KATNIP: variants seen among roughly 807,000 people sequenced by gnomAD.
KATNIP encodes katanin-interacting protein.
A neutral mutation model predicts 174.0 loss-of-function variants in KATNIP; 126 were observed. The observed-to-expected ratio is 0.72, with a 90% CI of 0.63 to 0.84. The LOEUF (loss-of-function observed/expected upper bound fraction) is 0.84. Ranked by LOEUF, KATNIP falls within the 40% of genes least tolerant of loss-of-function variation. KATNIP has a pLI of 0.00. For missense variants in KATNIP, 1,958 were observed against 2,109.7 expected (o/e 0.93, Z 1.41); for synonymous variants, 810 against 835.7 (o/e 0.97, Z 0.53).
chr16:27,633,932 C>T (rs2076564173), intron 5 of KATNIP, among the ~76,000 whole-genome samples: 1 of 152,234 alleles, frequency 6.6e-6, no homozygotes, highest in Non-Finnish European at 1.5e-5. Flanking sequence ...CCTGCCTGAT[C>T]TCAGTGCTGA....
intron 1 of KATNIP, among the ~76,000 whole-genome samples, chr16:27,562,395 C>G (rs950133762): frequency 6.6e-6 from 1 of 152,148 alleles, no homozygotes; most frequent in South Asian, 2.1e-4. Context: ...ATCTAAAACC[C>G]TTAGAACAGG....
Position 27,759,739 on chromosome 16 carries a change from G to A in KATNIP, c.3632-1674G>A, listed in dbSNP as rs559284130. Among the ~76,000 whole-genome samples, 7 of 152,282 alleles carry A rather than the reference G, an allele frequency of 4.6e-5. No individual in the cohort carries two copies. In the East Asian group the frequency reaches 5.8e-4, roughly 13 times the overall value. ...GCTTTACAGGCTCTGCTTGCCTCACGTGGGCTTCTGTCCCAGTGTTCAAAG... is the reference window on the plus strand; with the variant it reads ...GCTTTACAGGCTCTGCTTGCCTCACATGGGCTTCTGTCCCAGTGTTCAAAG... On this transcript the variant is annotated intron_variant, in intron 18 of 27. Coordinates refer to ENST00000261588, the MANE Select transcript of KATNIP (RefSeq NM_015202.5).
intron 16 of KATNIP, 112 bp downstream of exon 16, chr16:27,750,418 T>C (rs2081462480): frequency 1.9e-6 from 2 of 1,054,680 alleles, no homozygotes; most frequent in East Asian, 2.5e-5. Context: ...CCTTTCTCTT[T>C]CTTTTTTTTT....
At chr16:27,708,056 A>C (rs1017021866) in intron 12 of KATNIP, among the ~76,000 whole-genome samples, 1 of 144,246 alleles carries the variant, frequency 6.9e-6, no homozygotes, top group Admixed American at 7.1e-5. Context: ...TGGGTCTTTC[A>C]CCCAGGCTGG....
At chr16:27,565,742 C>G (rs2090061683) in intron 1 of KATNIP, among the ~76,000 whole-genome samples, 1 of 151,078 alleles carries the variant, frequency 6.6e-6, no homozygotes, top group African/African-American at 2.4e-5. Context: ...TATGATCACA[C>G]CACTGCACTC....
At chr16:27,658,896 G>A (rs1387275223) in intron 6 of KATNIP, among the ~76,000 whole-genome samples, 1 of 151,952 alleles carries the variant, frequency 6.6e-6, no homozygotes, top group Non-Finnish European at 1.5e-5. Flanking sequence ...CTGAGTAGCT[G>A]GGATTACAGA....
intron 1 of KATNIP, among the ~76,000 whole-genome samples, chr16:27,573,037 T>G (rs900817790): frequency 6.6e-6 from 1 of 152,236 alleles, no homozygotes; most frequent in African/African-American, 2.4e-5. Flanking sequence ...GTGTCTTTTC[T>G]CTGAGACTCA....
At chr16:27,671,512 T>A (rs1253001176) in intron 6 of KATNIP, among the ~76,000 whole-genome samples, 1 of 152,250 alleles carries the variant, frequency 6.6e-6, no homozygotes. Flanking sequence ...CAACGATCTT[T>A]GTGTACTTAG....
rs751544097 is a variant in KATNIP at position 27,648,585 on chromosome 16, G to A, written c.409-19G>A. 3 of 1,613,902 alleles carry A rather than the reference G, an allele frequency of 1.9e-6. No homozygotes were observed. Among genetic ancestry groups the A allele is most frequent in the Middle Eastern group, 1.6e-4 (1 of 6,062 alleles). On this transcript the variant is annotated intron_variant, in intron 5 of 27. Transcript: ENST00000261588. Reference sequence around the variant, plus strand: ...GACCTCATTCCACCTTATCTGAAATGGCCTGCATTTTTGTACAGAAATCTG... The same window carrying A: ...GACCTCATTCCACCTTATCTGAAATAGCCTGCATTTTTGTACAGAAATCTG...
chr16:27,768,807 C>T (rs1475874296), intron 20 of KATNIP, among the ~76,000 whole-genome samples: 2 of 152,234 alleles, frequency 1.3e-5, no homozygotes, highest in African/African-American at 4.8e-5. Context: ...CCCAGGGGCA[C>T]ATGAGAGCCA....
At chr16:27,571,085 T>C (rs1596750842) in intron 1 of KATNIP, among the ~76,000 whole-genome samples, 1 of 152,320 alleles carries the variant, frequency 6.6e-6, no homozygotes, top group East Asian at 1.9e-4. Context: ...CAGGCTGGAG[T>C]CCAGTGGTGC....
intron 13 of KATNIP, among the ~76,000 whole-genome samples, chr16:27,720,271 A>G (rs561850853): frequency 5.1e-4 from 77 of 151,632 alleles, no homozygotes; most frequent in African/African-American, 1.6e-3. Flanking sequence ...TTGCATTATT[A>G]GTAGAGACAG....
At chr16:27,773,006 A>G in intron 22 of KATNIP, 93 bp from the exon 23 acceptor site, 1 of 712,662 alleles carries the variant, frequency 1.4e-6, no homozygotes, top group Non-Finnish European at 2.4e-6. Flanking sequence ...TCATCAACAT[A>G]AACCCAAAAC....
At chr16:27,711,242 T>C (rs1418027659) in intron 13 of KATNIP, among the ~76,000 whole-genome samples, 3 of 152,066 alleles carry the variant, frequency 2.0e-5, no homozygotes, top group Non-Finnish European at 4.4e-5. Flanking sequence ...AACAGGAGGA[T>C]GTGAGATTCT....
chr16:27,592,100 T>A (rs1469469288), intron 2 of KATNIP, among the ~76,000 whole-genome samples: 1 of 151,992 alleles, frequency 6.6e-6, no homozygotes, highest in Non-Finnish European at 1.5e-5. Context: ...CAGAACCCCA[T>A]GACATGCCAC....
At chr16:27,682,164 A>T (rs550790809) in intron 8 of KATNIP, among the ~76,000 whole-genome samples, 15 of 152,236 alleles carry the variant, frequency 9.9e-5, no homozygotes, top group Non-Finnish European at 1.9e-4. Context: ...ATGGTACACA[A>T]TTCTGAAAGT....
chr16:27,676,447 C>G (rs987373219), intron 6 of KATNIP, among the ~76,000 whole-genome samples: 5 of 152,126 alleles, frequency 3.3e-5, no homozygotes, highest in Admixed American at 3.3e-4. Flanking sequence ...TTCCTCACTT[C>G]CTCCTGAGCC....
chr16:27,764,426 T>C (rs1208940007), intron 19 of KATNIP, among the ~76,000 whole-genome samples: 6 of 152,252 alleles, frequency 3.9e-5, no homozygotes, highest in Non-Finnish European at 5.9e-5. Context: ...CCTGAATCCT[T>C]TTAAACGGTC....
At chr16:27,572,209 A>G (rs1380151489) in intron 1 of KATNIP, among the ~76,000 whole-genome samples, 1 of 152,030 alleles carries the variant, frequency 6.6e-6, no homozygotes, top group Non-Finnish European at 1.5e-5. Flanking sequence ...TGAGCCCAGG[A>G]AATTGAGACC....
Sources: allele counts gnomAD v4.1 joint callset (sites outside exome capture counted in the v4.1 genomes callset), GRCh38; gene constraint gnomAD v4.1.1; transcripts MANE v1.5; gene names NCBI Gene and HGNC (gene_info 2026-07-23, HGNC 2026-07-21).